Variants in MACROD2 observed in about 807,000 individuals in gnomAD.
The protein encoded by MACROD2 is ADP-ribose glycohydrolase MACROD2.
Under a neutral mutation model 70.4 loss-of-function variants are expected in MACROD2, and 36 were observed. The observed-to-expected ratio is 0.51, with a 90% confidence interval of 0.39 to 0.68. The LOEUF is 0.68. Ranked by LOEUF, MACROD2 falls within the 30% of genes least tolerant of loss-of-function variation. MACROD2 has a pLI of 0.00. For synonymous variants in MACROD2, 172 were observed against 178.8 expected (o/e 0.96, Z 0.30); for missense variants, 496 against 538.4 (o/e 0.92, Z 0.78).
At chr20:15,384,914 C>A (rs1015835415) in intron 6 of MACROD2, among the ~76,000 whole-genome samples, 1 of 152,112 alleles carries the variant, frequency 6.6e-6, no homozygotes, top group Non-Finnish European at 1.5e-5. Context: ...CACAATAAGA[C>A]CCCCCTCCTT....
At chr20:14,552,005 T>C (rs2123263508) in intron 4 of MACROD2, among the ~76,000 whole-genome samples, 1 of 152,202 alleles carries the variant, frequency 6.6e-6, no homozygotes, top group Middle Eastern at 3.4e-3. Context: ...TTGCACTTAA[T>C]ACAAATGTTT....
intron 3 of MACROD2, among the ~76,000 whole-genome samples, chr20:14,289,296 C>G (rs2082367289): frequency 6.6e-6 from 1 of 152,186 alleles, no homozygotes. Flanking sequence ...CCTAAATTGT[C>G]TATCAGTCTC....
intron 8 of MACROD2, among the ~76,000 whole-genome samples, chr20:15,711,562 G>T (rs754071690): frequency 7.9e-5 from 12 of 152,216 alleles, no homozygotes; most frequent in Non-Finnish European, 1.6e-4. Flanking sequence ...TGGAGTGATT[G>T]CCAGCACATC....
chr20:14,619,228 C>G (rs547371995), intron 4 of MACROD2, among the ~76,000 whole-genome samples: 107 of 151,760 alleles, frequency 7.1e-4, no homozygotes, highest in African/African-American at 2.5e-3. Flanking sequence ...TCCATGAACT[C>G]TGTTAAAATT....
chr20:14,877,049 A>G (rs2073558841), intron 5 of MACROD2, among the ~76,000 whole-genome samples: 1 of 152,004 alleles, frequency 6.6e-6, no homozygotes, highest in African/African-American at 2.4e-5. Context: ...TTTGGGCAGA[A>G]TGGCCATTTT....
In MACROD2 at chr20:13,995,736, G is replaced by T; in HGVS notation, c.-28G>T. 6.5e-7 allele frequency: 1 copy of T among 1,530,200 alleles called. No homozygotes were observed. Among genetic ancestry groups the T allele is most frequent in the Non-Finnish European group, 8.9e-7 (1 of 1,127,580 alleles). The allele number at this position is 1,530,200 out of a possible 1,614,324, so 94.8% of individuals were successfully genotyped here. A position where few individuals can be genotyped will look rare whatever the true frequency, so the allele number is the denominator to read the frequency against. ...TGCCCGTGAGCCTGGGGAACTTGCA[G>T]CTTAAAGCCAGCCACCCCCACGGCA... On this transcript the variant is annotated 5_prime_UTR_variant, in exon 1 of 18. Transcript: ENST00000684519. The surrounding 1 kb of genome is among the most constrained non-coding windows in gnomAD (Gnocchi z 4.3).
chr20:15,433,635 T>C lies in MACROD2; in HGVS notation c.571+2200T>C, dbSNP rs191830663. Among the ~76,000 whole-genome samples, 899 of 151,182 alleles carry C rather than the reference T, an allele frequency of 5.9e-3. 8 individuals are homozygous for C. The highest frequency in any genetic ancestry group is 0.02 in the African/African-American group (831 of 41,222). ...AGAATCAGTATTGTGAAAATGACCA[T>C]ACTTCCTACAGATTCCCATCAAAAT... On this transcript the variant is annotated intron_variant, in intron 7 of 17. Transcript: ENST00000684519.
intron 13 of MACROD2, among the ~76,000 whole-genome samples, chr20:15,968,553 G>C (rs1408358412): frequency 6.6e-6 from 1 of 151,666 alleles, no homozygotes; most frequent in Non-Finnish European, 1.5e-5. Flanking sequence ...CAAAAATGTT[G>C]AAATAATTGT....
At chr20:14,325,114 GT>G (rs397866154) in intron 3 of MACROD2, 2,961 of 145,990 alleles carry the variant, frequency 0.02, 40 homozygotes, top group South Asian at 0.035. Context: ...CATTCAGCCA[GT>G]TTTTTTTTTT....
At chr20:15,195,585 A>ATTTTT (rs1408824094) in intron 5 of MACROD2, among the ~76,000 whole-genome samples, 1 of 152,174 alleles carries the variant, frequency 6.6e-6, no homozygotes, top group Non-Finnish European at 1.5e-5. Flanking sequence ...AAAACAACAG[A>ATTTTT]TGTTGGTAAG....
At chr20:15,456,724 C>T (rs914591465) in intron 7 of MACROD2, among the ~76,000 whole-genome samples, 9 of 152,154 alleles carry the variant, frequency 5.9e-5, no homozygotes, top group Non-Finnish European at 1.2e-4. Context: ...CCTTTGGAAT[C>T]ACCTGGAGAG....
intron 8 of MACROD2, among the ~76,000 whole-genome samples, chr20:15,564,735 A>G (rs1600597768): frequency 6.6e-6 from 1 of 152,188 alleles, no homozygotes; most frequent in Admixed American, 6.5e-5. Flanking sequence ...GGCTGGTAAT[A>G]TGTTTACCAG....
intron 1 of MACROD2, among the ~76,000 whole-genome samples, chr20:13,998,716 G>C (rs67781165): frequency 0.16 from 23,785 of 152,056 alleles, 1,899 homozygotes; most frequent in East Asian, 0.2. Context: ...AGCACTTTGG[G>C]AGGCTGAGGC....
At chr20:15,276,317 G>A (rs958466785) in intron 6 of MACROD2, among the ~76,000 whole-genome samples, 1 of 151,400 alleles carries the variant, frequency 6.6e-6, no homozygotes, top group African/African-American at 2.4e-5. Context: ...GGAGAAGGGC[G>A]TGAACCCGGG....
intron 6 of MACROD2, among the ~76,000 whole-genome samples, chr20:15,409,607 G>A (rs1466702547): frequency 6.6e-6 from 1 of 152,176 alleles, no homozygotes; most frequent in Non-Finnish European, 1.5e-5. Flanking sequence ...AGTTGATTTT[G>A]GAGGTGATGC....
chr20:15,085,909 C>T (rs1271757117), intron 5 of MACROD2, among the ~76,000 whole-genome samples: 1 of 146,270 alleles, frequency 6.8e-6, no homozygotes, highest in Non-Finnish European at 1.5e-5. Flanking sequence ...CACACACACA[C>T]ACAGATTTTT....
chr20:15,367,251 C>G (rs2045424036), intron 6 of MACROD2, among the ~76,000 whole-genome samples: 1 of 152,134 alleles, frequency 6.6e-6, no homozygotes, highest in Non-Finnish European at 1.5e-5. Flanking sequence ...TGGTCTCAAA[C>G]TCCTGACCTT....
At chr20:15,246,080 T>C (rs150761324) in intron 6 of MACROD2, among the ~76,000 whole-genome samples, 85 of 152,334 alleles carry the variant, frequency 5.6e-4, no homozygotes, top group African/African-American at 1.9e-3. Context: ...TAAAACAATC[T>C]AAAGAACTAC....
At chr20:14,270,840 T>A (rs1177802177) in intron 3 of MACROD2, among the ~76,000 whole-genome samples, 2 of 152,166 alleles carry the variant, frequency 1.3e-5, no homozygotes, top group Admixed American at 1.3e-4. Flanking sequence ...GGAGATTATA[T>A]CACACACCTG....
Sources: gnomAD v4.1 joint callset for allele counts (sites outside exome capture counted in the v4.1 genomes callset) on GRCh38, gnomAD v4.1.1 for gene constraint, Gnocchi (gnomAD v3.1) non-coding constraint, MANE v1.5 for transcripts, NCBI Gene and HGNC (gene_info 2026-07-23, HGNC 2026-07-21) for gene names.